The following SLC19A2 variants were observed in gnomAD, a reference collection of about 807,000 sequenced individuals.
SLC19A2 encodes the protein solute carrier family 19 member 2.
In SLC19A2, 27 loss-of-function variants were observed where a neutral mutation model predicts 44.7. That is an observed-to-expected ratio of 0.60 (90% CI 0.45 to 0.83). SLC19A2 has a LOEUF of 0.83. Ranked by LOEUF, SLC19A2 falls within the 40% of genes least tolerant of loss-of-function variation. The pLI, the probability that SLC19A2 is intolerant of heterozygous loss-of-function variation, is 0.00. For missense variants in SLC19A2, 566 were observed against 613.7 expected, an observed-to-expected ratio of 0.92 and a Z score of 0.82; for synonymous variants, 239 against 243.6, an observed-to-expected ratio of 0.98 and a Z score of 0.18.
chr1:169,477,418 C>T lies in SLC19A2; in HGVS notation c.544G>A (p.Val182Met), dbSNP rs764274815. 1 of 1,614,208 alleles carries T rather than the reference C, an allele frequency of 6.2e-7. No individual in the cohort carries two copies. The highest frequency in any genetic ancestry group is 1.1e-5 in the South Asian group (1 of 91,080). The change falls in exon 2 of 6, where the codon GTG (valine) becomes ATG (methionine). Residue 182 changes from valine (V) to methionine (M), a missense_variant. Coordinates refer to ENST00000236137, the MANE Select transcript of SLC19A2 (RefSeq NM_006996.3). ...AGGCTGAACAGCGACCAGCCTGCCA[C>T]TGAGACAAGGATTTGCCCTAGGACA... ...GSVLGQILVSVAGWSLFSLNV... is the reference protein window; with the variant it reads ...GSVLGQILVSMAGWSLFSLNV...
At position 169,465,254 on chromosome 1, in the gene SLC19A2, A is replaced by T. The variant is rs1441587363; in HGVS notation, c.*595T>A. 6.6e-6 allele frequency: 1 copy of T among 152,402 alleles called. No individual in the cohort carries two copies. Among genetic ancestry groups the T allele is most frequent in the African/African-American group, 2.4e-5 (1 of 41,476 alleles). The allele number at this position is 152,402 out of a possible 1,614,324, so 9.4% of individuals were successfully genotyped here. A position where few individuals can be genotyped will look rare whatever the true frequency, so the allele number is the denominator to read the frequency against. On this transcript the variant is annotated 3_prime_UTR_variant, in exon 6 of 6. Transcript: ENST00000236137. ...GAACATTCATATGATGAATTTTTTT[A>T]AAATAACTTAAAATTAGAAATGATA...
At chr1:169,475,654 T>C (rs1658288097) in intron 2 of SLC19A2, among the ~76,000 whole-genome samples, 2 of 152,120 alleles carry the variant, frequency 1.3e-5, no homozygotes, top group Admixed American at 1.3e-4. Flanking sequence ...GTTGACTCTC[T>C]AATATCACCT....
intron 1 of SLC19A2, among the ~76,000 whole-genome samples, chr1:169,478,523 A>ATTT (rs35141285): frequency 3.9e-4 from 26 of 66,636 alleles, no homozygotes; most frequent in African/African-American, 5.9e-4. Context: ...CAACCAGCTA[A>ATTT]TTTTTTTTTT....
rs74315374 is a variant in SLC19A2, at chr1:169,477,212, C to G, written c.750G>C (p.Trp250Cys). ...DTPASNHLPG[W>C]EDIESKIPLN... is the part of the protein sequence containing the mutation. ...GAGGGATTTTTGACTCAATGTCCTCCCAGCCAGGAAGGTGGTTAGAAGCTG... is the reference window on the plus strand; with the variant it reads ...GAGGGATTTTTGACTCAATGTCCTCGCAGCCAGGAAGGTGGTTAGAAGCTG... The change falls in exon 2 of 6, where the codon TGG (tryptophan) becomes TGC (cysteine). Residue 250 changes from tryptophan to cysteine, a missense_variant. By Grantham distance (215) the Trp-to-Cys change is radical. Transcript: ENST00000236137. 7.4e-6 allele frequency: 12 copies of G among 1,613,946 alleles called. No homozygotes were observed. The Admixed American group carries it at 1.3e-4, about 18-fold the overall frequency.
intron 5 of SLC19A2, among the ~76,000 whole-genome samples, chr1:169,467,830 G>T (rs866077797): frequency 1.3e-5 from 2 of 152,166 alleles, no homozygotes; most frequent in South Asian, 4.1e-4. Flanking sequence ...GAAGCAGAAG[G>T]TCTTGGTCTG....
chr1:169,476,722 A>T (rs1019004612), intron 2 of SLC19A2, among the ~76,000 whole-genome samples: 2 of 151,708 alleles, frequency 1.3e-5, no homozygotes, highest in Non-Finnish European at 1.5e-5. Flanking sequence ...TCTGTCTCAA[A>T]AATAATAATA....
At chr1:169,478,918 CTCTG>C (rs1304755906) in intron 1 of SLC19A2, among the ~76,000 whole-genome samples, 1 of 151,630 alleles carries the variant, frequency 6.6e-6, no homozygotes, top group African/African-American at 2.4e-5. Flanking sequence ...CAGAGCAAGA[CTCTG>C]TCTCTTTAAA....
intron 2 of SLC19A2, among the ~76,000 whole-genome samples, chr1:169,471,332 T>TA (rs1194413180): frequency 6.6e-6 from 1 of 151,816 alleles, no homozygotes; most frequent in Admixed American, 6.6e-5. Context: ...ACATTTAATT[T>TA]AAAAAAATAA....
intron 2 of SLC19A2, among the ~76,000 whole-genome samples, chr1:169,474,961 G>T (rs531884846): frequency 1.3e-5 from 2 of 152,188 alleles, no homozygotes; most frequent in South Asian, 2.1e-4. Flanking sequence ...GGTTTAGAAA[G>T]AACTGGATCT....
rs1658342154 is a variant in SLC19A2, at chr1:169,477,242, G to A, written c.720C>T (p.Asp240=). 6.2e-7 allele frequency: 1 copy of A among 1,614,154 alleles called. No individual in the cohort carries two copies. The highest frequency in any genetic ancestry group is 8.5e-7 in the Non-Finnish European group (1 of 1,180,034). ...CAGGAAGGTGGTTAGAAGCTGGGGTGTCAGTAACAATGCCACCATTTTGTA... is the reference window on the plus strand; with the variant it reads ...CAGGAAGGTGGTTAGAAGCTGGGGTATCAGTAACAATGCCACCATTTTGTA... The part of the protein sequence containing the change: ...IKVQNGGIVT[D]TPASNHLPGW... Residue 240 remains aspartate, a synonymous_variant, in exon 2 of 6, where the codon GAC becomes GAT. Transcript: ENST00000236137.
chr1:169,467,753 G>A (rs979325275), intron 5 of SLC19A2, among the ~76,000 whole-genome samples: 1 of 152,084 alleles, frequency 6.6e-6, no homozygotes, highest in Admixed American at 6.6e-5. Context: ...GATGAAGCAG[G>A]GAATCTCAAA....
chr1:169,464,477 C>T lies in SLC19A2; in HGVS notation c.*1372G>A, dbSNP rs993813990. On this transcript the variant is annotated 3_prime_UTR_variant, in exon 6 of 6. Transcript: ENST00000236137. Reference sequence around the variant, plus strand: ...TCCTGCTTAAACCAAATGAGTATGTCGACTTTGCAATCTTGACACACTATT... The same window carrying T: ...TCCTGCTTAAACCAAATGAGTATGTTGACTTTGCAATCTTGACACACTATT... 6.6e-5 allele frequency: 10 copies of T among 152,214 alleles called. No homozygotes were observed. The highest frequency in any genetic ancestry group is 2.2e-4 in the African/African-American group (9 of 41,550). 9.4% of individuals were successfully genotyped at this position (152,214 alleles called of 1,614,324 possible). A position where few individuals can be genotyped will look rare whatever the true frequency, so the allele number is the denominator to read the frequency against.
intron 1 of SLC19A2, among the ~76,000 whole-genome samples, chr1:169,484,531 G>A (rs1241786702): frequency 6.6e-6 from 1 of 152,154 alleles, no homozygotes; most frequent in African/African-American, 2.4e-5. Flanking sequence ...AAGAACATGA[G>A]ACCTCAGCTT....
intron 5 of SLC19A2, among the ~76,000 whole-genome samples, chr1:169,467,743 GATGA>G (rs968844775): frequency 2.6e-5 from 4 of 152,180 alleles, no homozygotes; most frequent in African/African-American, 9.7e-5. Flanking sequence ...AGAGTTGTGA[GATGA>G]AGCAGGGAAT....
intron 1 of SLC19A2, among the ~76,000 whole-genome samples, chr1:169,478,471 C>T (rs1658377560): frequency 6.6e-6 from 1 of 151,210 alleles, no homozygotes; most frequent in South Asian, 2.1e-4. Flanking sequence ...ATCCTTCCAC[C>T]TCAGCCTCCC....
At chr1:169,479,910 A>C (rs1232051527) in intron 1 of SLC19A2, among the ~76,000 whole-genome samples, 1 of 152,238 alleles carries the variant, frequency 6.6e-6, no homozygotes, top group Non-Finnish European at 1.5e-5. Flanking sequence ...ACAATAAAAA[A>C]TTGTTGCAAA....
rs182160854 is a variant in SLC19A2 at position 169,476,914 on chromosome 1, T to C, written c.807+241A>G. 9.7e-4 allele frequency among the ~76,000 whole-genome samples: 147 copies of C among 152,228 alleles called. 2 individuals are homozygous for C. Among genetic ancestry groups the C allele is most frequent in the African/African-American group, 3.3e-3 (137 of 41,538 alleles). On this transcript the variant is annotated intron_variant, in intron 2 of 5. Coordinates refer to ENST00000236137, the MANE Select transcript of SLC19A2 (RefSeq NM_006996.3). ...GGCATCTCTGACATGAACAATATAA[T>C]GCTGTATCAGTCTGACTTTGGAGGT... is the stretch of plus-strand genomic sequence containing the variant.
intron 4 of SLC19A2, 192 bp downstream of exon 4, chr1:169,468,452 T>C (rs922103223): frequency 4.4e-5 from 30 of 686,246 alleles, no homozygotes; most frequent in Non-Finnish European, 6.1e-5. Flanking sequence ...AGTAGGAACA[T>C]ACAAACATGG....
In SLC19A2 at chr1:169,485,311, T is replaced by C. The variant is rs571478310; in HGVS notation, c.204+252A>G. 1.2e-3 allele frequency among the ~76,000 whole-genome samples: 186 copies of C among 152,358 alleles called. 1 individual carries two copies. The highest frequency in any genetic ancestry group is 4.2e-3 in the African/African-American group (175 of 41,586). On this transcript the variant is annotated intron_variant, in intron 1 of 5. Transcript: ENST00000236137. Reference sequence around the variant, plus strand: ...AAGCCACATTACAACACGATCAGCATACTGCCTGACGCACAAGGCACGGGG... The same window carrying C: ...AAGCCACATTACAACACGATCAGCACACTGCCTGACGCACAAGGCACGGGG...
Sources: allele counts gnomAD v4.1 joint callset (sites outside exome capture counted in the v4.1 genomes callset), GRCh38; gene constraint gnomAD v4.1.1; transcripts MANE v1.5; gene names NCBI Gene and HGNC (gene_info 2026-07-23, HGNC 2026-07-21).